Variants in SGCZ observed in about 807,000 individuals in gnomAD.
The protein encoded by SGCZ is sarcoglycan zeta, also known as zeta-sarcoglycan.
Under a neutral mutation model 41.3 loss-of-function variants are expected in SGCZ, and 40 were observed. The ratio of observed to expected loss-of-function variants is 0.97; its 90% CI spans 0.75 to 1.26. The LOEUF (loss-of-function observed/expected upper bound fraction) is 1.26, where lower values mean the gene tolerates loss of function less well. SGCZ is among the 50% of genes most tolerant of loss of function. The pLI is 0.00. For missense variants in SGCZ, 552 were observed against 369.8 expected (o/e 1.49, Z -4.04); for synonymous variants, 206 against 137.5 (o/e 1.50, Z -3.49).
At chr8:14,981,587 T>G (rs1801663510) in intron 1 of SGCZ, among the ~76,000 whole-genome samples, 1 of 152,200 alleles carries the variant, frequency 6.6e-6, no homozygotes, top group Non-Finnish European at 1.5e-5. Context: ...TCCCTCTATA[T>G]TCTCTTCTAT....
intron 1 of SGCZ, among the ~76,000 whole-genome samples, chr8:15,037,289 T>C (rs563278527): frequency 6.6e-5 from 10 of 152,304 alleles, no homozygotes; most frequent in Admixed American, 3.3e-4. Context: ...AATGATTTTA[T>C]AGGGGCTTTC....
intron 1 of SGCZ, among the ~76,000 whole-genome samples, chr8:15,222,678 G>A (rs1283651218): frequency 6.6e-6 from 1 of 152,012 alleles, no homozygotes; most frequent in African/African-American, 2.4e-5. Context: ...ATCCCAAACT[G>A]CTTGGCTGGT....
chr8:14,873,794 G>C (rs1314550817), intron 1 of SGCZ, among the ~76,000 whole-genome samples: 2 of 152,166 alleles, frequency 1.3e-5, no homozygotes, highest in African/African-American at 2.4e-5. Context: ...AAAAACCTTG[G>C]CCAGATGTAT....
At chr8:14,694,219 T>G (rs1483634349) in intron 1 of SGCZ, among the ~76,000 whole-genome samples, 1 of 152,202 alleles carries the variant, frequency 6.6e-6, no homozygotes, top group Admixed American at 6.5e-5. Flanking sequence ...TTGGTCCCAC[T>G]GGCAAGGCTA....
At chr8:14,870,050 A>G (rs1804088826) in intron 1 of SGCZ, among the ~76,000 whole-genome samples, 1 of 152,182 alleles carries the variant, frequency 6.6e-6, no homozygotes, top group Non-Finnish European at 1.5e-5. Context: ...GCTACCATTG[A>G]CTTTCTTCAC....
At position 14,213,875 on chromosome 8, in the gene SGCZ, A is replaced by T. The variant is rs572223669; in HGVS notation, c.424+23717T>A. On this transcript the variant is annotated intron_variant, in intron 4 of 7. Coordinates refer to ENST00000382080, the MANE Select transcript of SGCZ (RefSeq NM_139167.4). ...ATGTCAGTTGTGAAAAACGTAATAT[A>T]TGTACATACTAGTTTTATAATATCA... 2.0e-5 allele frequency among the ~76,000 whole-genome samples: 3 copies of T among 152,282 alleles called. No homozygotes were observed. The South Asian group carries it at 6.2e-4, about 32-fold the overall frequency.
chr8:14,431,339 T>C lies in SGCZ; in HGVS notation c.235-107135A>G, dbSNP rs559737834. Among the ~76,000 whole-genome samples the C allele has an allele frequency of 2.0e-5, 3 of 152,196 alleles. No homozygotes were observed. In the South Asian group the frequency reaches 6.2e-4, roughly 32 times the overall value. ...ATAGCATGGTACCAGTATAAAAATA[T>C]GCACATAGACCAAAGGAACAGAATG... On this transcript the variant is annotated intron_variant, in intron 2 of 7. Transcript: ENST00000382080.
At chr8:14,721,522 C>T (rs1372080139) in intron 1 of SGCZ, among the ~76,000 whole-genome samples, 1 of 152,136 alleles carries the variant, frequency 6.6e-6, no homozygotes, top group Non-Finnish European at 1.5e-5. Context: ...TATTTCACAT[C>T]GGCCCATCAA....
intron 1 of SGCZ, among the ~76,000 whole-genome samples, chr8:15,031,843 C>T (rs1418219820): frequency 1.3e-5 from 2 of 151,678 alleles, no homozygotes; most frequent in Non-Finnish European, 2.9e-5. Context: ...TTGCAGTCGG[C>T]CAGCGCTATT....
chr8:14,713,885 C>T (rs994779383), intron 1 of SGCZ, among the ~76,000 whole-genome samples: 111 of 152,184 alleles, frequency 7.3e-4, no homozygotes, highest in African/African-American at 2.6e-3. Context: ...AAGCTAATCA[C>T]CTTAACTTAC....
At chr8:15,057,066 A>G (rs570275700) in intron 1 of SGCZ, among the ~76,000 whole-genome samples, 1 of 152,252 alleles carries the variant, frequency 6.6e-6, no homozygotes, top group Admixed American at 6.5e-5. Context: ...AGTGCCCTTA[A>G]TTGGGTGCAC....
At chr8:14,886,596 C>T (rs753151778) in intron 1 of SGCZ, among the ~76,000 whole-genome samples, 23 of 151,908 alleles carry the variant, frequency 1.5e-4, no homozygotes, top group Non-Finnish European at 5.9e-5. Context: ...GGAAAAGTGT[C>T]CCTGGCATGT....
chr8:14,693,582 C>CAT (rs771099976), intron 1 of SGCZ, among the ~76,000 whole-genome samples: 2 of 61,564 alleles, frequency 3.2e-5, no homozygotes, highest in East Asian at 9.8e-4. Context: ...CCACGACTGG[C>CAT]TTTTTTTTTT....
At chr8:14,126,514 A>C (rs1802865777) in intron 5 of SGCZ, among the ~76,000 whole-genome samples, 1 of 152,218 alleles carries the variant, frequency 6.6e-6, no homozygotes, top group African/African-American at 2.4e-5. Context: ...CTGTGGAGAA[A>C]TAGGAATACT....
chr8:14,708,161 T>A (rs1438186269), intron 1 of SGCZ, among the ~76,000 whole-genome samples: 1 of 151,928 alleles, frequency 6.6e-6, no homozygotes, highest in African/African-American at 2.4e-5. Context: ...TAATTAGACT[T>A]TCAATTTTCA....
At chr8:14,527,281 T>C (rs1393203642) in intron 2 of SGCZ, among the ~76,000 whole-genome samples, 1 of 152,136 alleles carries the variant, frequency 6.6e-6, no homozygotes, top group Non-Finnish European at 1.5e-5. Flanking sequence ...GTAATTCCTG[T>C]TGGGAGCATT....
chr8:14,208,883 A>G (rs7002641), intron 4 of SGCZ, among the ~76,000 whole-genome samples: 114,911 of 152,080 alleles, frequency 0.76, 44,553 homozygotes, highest in African/African-American at 0.92. Context: ...GAGAGTACTC[A>G]GTAAGGTTTT....
chr8:14,637,833 T>A (rs531572746), intron 1 of SGCZ, among the ~76,000 whole-genome samples: 1 of 151,938 alleles, frequency 6.6e-6, no homozygotes, highest in South Asian at 2.1e-4. Flanking sequence ...TGAGTATATA[T>A]CCAGTAATGA....
chr8:14,365,737 T>C (rs1803681906), intron 2 of SGCZ, among the ~76,000 whole-genome samples: 1 of 152,156 alleles, frequency 6.6e-6, no homozygotes, highest in Non-Finnish European at 1.5e-5. Context: ...ACAGGGATTG[T>C]TCCACTTATT....
Sources: allele counts gnomAD v4.1 joint callset (sites outside exome capture counted in the v4.1 genomes callset), GRCh38; gene constraint gnomAD v4.1.1; transcripts MANE v1.5; gene names NCBI Gene and HGNC (gene_info 2026-07-23, HGNC 2026-07-21).